The following SMPX variants were observed in gnomAD, a reference collection of about 807,000 sequenced individuals.
SMPX encodes the protein small muscle protein X-linked.
A neutral mutation model predicts 6.3 loss-of-function variants in SMPX; 2 were observed. The ratio of observed to expected loss-of-function variants is 0.32; its 90% confidence interval spans 0.13 to 0.99. The LOEUF is 0.99. SMPX is among the 50% of genes least tolerant of loss of function. The pLI is 0.49. For synonymous variants in SMPX, 32 were observed against 24.7 expected (o/e 1.30, Z -0.88); for missense variants, 60 against 66.8 (o/e 0.90, Z 0.36).
At chrX:21,737,072 G>A (rs896956096) in intron 4 of SMPX, among the ~76,000 whole-genome samples, 6 of 111,531 alleles carry the variant, frequency 5.4e-5, no homozygotes, top group Admixed American at 9.5e-5. Context: ...ACACACACCT[G>A]GGTTACTTGA....
chrX:21,721,024 T>G (rs1054706376), intron 4 of SMPX, among the ~76,000 whole-genome samples: 7 of 111,642 alleles, frequency 6.3e-5, no homozygotes, highest in African/African-American at 2.3e-4. Flanking sequence ...TAGAGGGAGA[T>G]GAATTAGATA....
chrX:21,740,131 G>C (rs1479284001), intron 3 of SMPX, among the ~76,000 whole-genome samples: 1 of 111,291 alleles, frequency 9.0e-6, no homozygotes, highest in Admixed American at 9.5e-5. Flanking sequence ...GGAAGAAGGG[G>C]GTTAATGGTG....
intron 2 of SMPX, among the ~76,000 whole-genome samples, chrX:21,753,669 T>C (rs2092829757): frequency 1.8e-5 from 2 of 112,308 alleles, no homozygotes; most frequent in African/African-American, 3.2e-5. Context: ...ATTTTCATAA[T>C]TGTATTTTTG....
At chrX:21,724,107 C>G (rs2092794536) in intron 4 of SMPX, among the ~76,000 whole-genome samples, 2 of 112,023 alleles carry the variant, frequency 1.8e-5, no homozygotes, top group Non-Finnish European at 3.8e-5. Flanking sequence ...CTCTCTCTCT[C>G]CTGACGGATA....
intron 4 of SMPX, among the ~76,000 whole-genome samples, chrX:21,729,913 C>G (rs764527567): frequency 8.9e-6 from 1 of 112,111 alleles, no homozygotes; most frequent in Non-Finnish European, 1.9e-5. Flanking sequence ...TACACCCACA[C>G]AGACTGTAAC....
chrX:21,737,629 T>C lies in SMPX; in HGVS notation c.201A>G (p.Ala67=). Residue 67 remains alanine, a synonymous_variant, in exon 4 of 5, where the codon GCA becomes GCG. Transcript: ENST00000379494. Reference sequence around the variant, plus strand: ...TATTCTGGATTTCCGATAGATTGACTGCAGGTCCTGGAAGTTTCTTCGCTC... The same window carrying C: ...TATTCTGGATTTCCGATAGATTGACCGCAGGTCCTGGAAGTTTCTTCGCTC... ...IPGAKKLPGP[A]VNLSEIQNIK... is the part of the protein sequence containing the mutation. The C allele has an allele frequency of 8.3e-7, 1 of 1,205,648 alleles. No individual in the cohort carries two copies. Among genetic ancestry groups the C allele is most frequent in the Non-Finnish European group, 1.1e-6 (1 of 889,659 alleles).
chrX:21,723,848 A>G (rs1362267051), intron 4 of SMPX, among the ~76,000 whole-genome samples: 1 of 112,286 alleles, frequency 8.9e-6, no homozygotes, highest in Non-Finnish European at 1.9e-5. Context: ...AAGGGATGGC[A>G]TTGGGGGTGG....
chrX:21,744,727 T>C (rs1192857664), intron 2 of SMPX, among the ~76,000 whole-genome samples: 1 of 112,785 alleles, frequency 8.9e-6, no homozygotes, highest in Admixed American at 9.3e-5. Context: ...ATTTTTCCAT[T>C]GAAGATAAAG....
chrX:21,724,856 T>G (rs1422786955), intron 4 of SMPX, among the ~76,000 whole-genome samples: 1 of 112,488 alleles, frequency 8.9e-6, no homozygotes, highest in Non-Finnish European at 1.9e-5. Context: ...AGAACTGTTA[T>G]GAAGTTCGAA....
At chrX:21,735,516 T>TCC (rs2092809589) in intron 4 of SMPX, among the ~76,000 whole-genome samples, 2 of 110,705 alleles carry the variant, frequency 1.8e-5, no homozygotes, top group Non-Finnish European at 3.8e-5. Flanking sequence ...CAATATTTGA[T>TCC]TGAGTTGTTA....
At chrX:21,756,547 G>T (rs940396510) in intron 1 of SMPX, among the ~76,000 whole-genome samples, 16 of 112,654 alleles carry the variant, frequency 1.4e-4, no homozygotes, top group Admixed American at 2.8e-4. Context: ...GTGTAAATCA[G>T]TTCAGCAGCG....
At chrX:21,723,761 T>C (rs1172874156) in intron 4 of SMPX, among the ~76,000 whole-genome samples, 1 of 111,213 alleles carries the variant, frequency 9.0e-6, no homozygotes, top group East Asian at 2.9e-4. Flanking sequence ...TACCACCTCT[T>C]GGTATTTCAG....
chrX:21,716,614 A>G lies in SMPX; in HGVS notation c.*15-10220T>C, dbSNP rs187091484. On this transcript the variant is annotated intron_variant, in intron 4 of 4. Transcript: ENST00000379494. The stretch of plus-strand genomic sequence containing the variant: ...ATTATTCAGGGACAAAGATCCACAA[A>G]AAGCTTATAAATTAAAACATCCCTT... 4.4e-5 allele frequency among the ~76,000 whole-genome samples: 5 copies of G among 112,539 alleles called. No homozygotes were observed. The East Asian group carries it at 8.4e-4, about 19-fold the overall frequency.
chrX:21,722,979 T>C (rs2092793387), intron 4 of SMPX, among the ~76,000 whole-genome samples: 1 of 112,015 alleles, frequency 8.9e-6, no homozygotes, highest in South Asian at 3.8e-4. Context: ...TTAGTATATA[T>C]AAATTTCAGC....
At chrX:21,707,466 T>C (rs1179778014) in intron 4 of SMPX, among the ~76,000 whole-genome samples, 2 of 111,963 alleles carry the variant, frequency 1.8e-5, no homozygotes, top group Non-Finnish European at 3.8e-5. Flanking sequence ...GATTAGAGTA[T>C]ATTGTTAGTC....
intron 4 of SMPX, among the ~76,000 whole-genome samples, chrX:21,707,361 A>T (rs1311135137): frequency 8.9e-6 from 1 of 112,149 alleles, no homozygotes; most frequent in Non-Finnish European, 1.9e-5. Flanking sequence ...CAATTCCATG[A>T]ATGTAAATGA....
intron 3 of SMPX, among the ~76,000 whole-genome samples, chrX:21,738,443 G>C (rs1336616990): frequency 9.1e-6 from 1 of 110,194 alleles, no homozygotes; most frequent in Non-Finnish European, 1.9e-5. Flanking sequence ...TGCTGTGTGT[G>C]GCTCCGAGAA....
At chrX:21,746,406 G>A (rs989928436) in intron 2 of SMPX, among the ~76,000 whole-genome samples, 8 of 111,274 alleles carry the variant, frequency 7.2e-5, no homozygotes, top group Non-Finnish European at 1.1e-4. Flanking sequence ...TCTCAAACCC[G>A]TCTCTAAAGA....
chrX:21,727,935 T>C (rs1282657979), intron 4 of SMPX, among the ~76,000 whole-genome samples: 1 of 112,276 alleles, frequency 8.9e-6, no homozygotes, highest in African/African-American at 3.2e-5. Context: ...CAGCCTGGAA[T>C]TCACTTCCCC....
Sources: allele counts gnomAD v4.1 joint callset (sites outside exome capture counted in the v4.1 genomes callset), GRCh38; gene constraint gnomAD v4.1.1; transcripts MANE v1.5; gene names NCBI Gene and HGNC (gene_info 2026-07-23, HGNC 2026-07-21).